SLC38A9: variants seen among roughly 807,000 people sequenced by gnomAD.
SLC38A9 encodes solute carrier family 38 member 9.
Under a neutral mutation model 62.3 loss-of-function variants are expected in SLC38A9, and 48 were observed. The ratio of observed to expected loss-of-function variants is 0.77; its 90% CI spans 0.61 to 0.98. The LOEUF is 0.98. Among genes scored for constraint, SLC38A9 ranks in the 50% least tolerant of loss-of-function variants. SLC38A9 has a pLI of 0.00. For synonymous variants in SLC38A9, 204 were observed against 227.7 expected (o/e 0.90, Z 0.94); for missense variants, 541 against 679.8 (o/e 0.80, Z 2.27).
intron 9 of SLC38A9, among the ~76,000 whole-genome samples, chr5:55,655,229 A>G (rs1031168575): frequency 1.4e-5 from 2 of 146,948 alleles, no homozygotes; most frequent in African/African-American, 2.5e-5. Context: ...AGAGAAATCA[A>G]GAAGTGCTGG....
intron 12 of SLC38A9, among the ~76,000 whole-genome samples, chr5:55,639,553 C>T (rs1364107338): frequency 6.6e-6 from 1 of 152,124 alleles, no homozygotes; most frequent in African/African-American, 2.4e-5. Context: ...CCAGTATCCA[C>T]ATTATGAATT....
At chr5:55,702,260 T>C (rs1756757588) in intron 2 of SLC38A9, among the ~76,000 whole-genome samples, 1 of 92,386 alleles carries the variant, frequency 1.1e-5, no homozygotes, top group South Asian at 4.9e-4. Flanking sequence ...ATTTTAGCAT[T>C]AATTTTTTTT....
intron 3 of SLC38A9, chr5:55,691,235 C>G (rs1228694386): frequency 5.4e-6 from 6 of 1,104,688 alleles, no homozygotes; most frequent in Non-Finnish European, 8.0e-6. Flanking sequence ...ATGTAATAGA[C>G]TAAGTCTCTG....
chr5:55,682,848 C>T (rs755999285), intron 3 of SLC38A9, among the ~76,000 whole-genome samples: 26 of 152,156 alleles, frequency 1.7e-4, no homozygotes, highest in African/African-American at 2.7e-4. Flanking sequence ...CCATCTCCCC[C>T]ACTGGAGGGT....
chr5:55,656,998 C>G (rs1354375333), intron 8 of SLC38A9, among the ~76,000 whole-genome samples: 1 of 152,012 alleles, frequency 6.6e-6, no homozygotes, highest in Admixed American at 6.6e-5. Flanking sequence ...GTAGCTGGGA[C>G]TACAAGCGCC....
chr5:55,672,158 C>T lies in SLC38A9; in HGVS notation c.246+405G>A, dbSNP rs147876859. Among the ~76,000 whole-genome samples the T allele has an allele frequency of 2.3e-3, 357 of 152,226 alleles. 3 individuals carry two copies. The Middle Eastern group carries it at 0.034, about 15-fold the overall frequency. ...TGAGTCACTGTGCTTGGCCAGTTTC[C>T]CATTCTTGTAGAAAATTTCTAAAAA... On this transcript the variant is annotated intron_variant, in intron 4 of 15. Transcript: ENST00000396865.
At chr5:55,659,957 A>G (rs1289089601) in intron 8 of SLC38A9, among the ~76,000 whole-genome samples, 14 of 149,918 alleles carry the variant, frequency 9.3e-5, no homozygotes, top group Non-Finnish European at 1.2e-4. Context: ...TAGTAGAGAC[A>G]GGGTTTCACC....
chr5:55,632,594 G>A (rs1417851290), intron 14 of SLC38A9, among the ~76,000 whole-genome samples: 1 of 152,126 alleles, frequency 6.6e-6, no homozygotes, highest in Non-Finnish European at 1.5e-5. Context: ...CCATTCTCCC[G>A]AAGCTATCTT....
chr5:55,678,003 T>G (rs1580312211), intron 3 of SLC38A9, among the ~76,000 whole-genome samples: 3 of 128,140 alleles, frequency 2.3e-5, no homozygotes, highest in African/African-American at 8.7e-5. Context: ...AACAATTGGG[T>G]GGTAAAGTAG....
chr5:55,656,552 T>C (rs1002858198), intron 9 of SLC38A9, among the ~76,000 whole-genome samples, 163 bp downstream of exon 9: 22 of 151,940 alleles, frequency 1.4e-4, no homozygotes, highest in African/African-American at 5.3e-4. Flanking sequence ...TTTTTGGAGG[T>C]TCTTTTTTTT....
At chr5:55,686,480 T>C (rs11738639) in intron 3 of SLC38A9, among the ~76,000 whole-genome samples, 1 of 151,862 alleles carries the variant, frequency 6.6e-6, no homozygotes, top group African/African-American at 2.4e-5. Context: ...TGTTTTTTCC[T>C]GTGAATGTGT....
At chr5:55,685,359 T>C (rs1335576066) in intron 3 of SLC38A9, among the ~76,000 whole-genome samples, 1 of 152,202 alleles carries the variant, frequency 6.6e-6, no homozygotes, top group Non-Finnish European at 1.5e-5. Flanking sequence ...AATCATACAA[T>C]ATGTAGTCTT....
intron 14 of SLC38A9, among the ~76,000 whole-genome samples, chr5:55,628,977 C>A (rs571522369): frequency 6.6e-6 from 1 of 152,146 alleles, no homozygotes; most frequent in African/African-American, 2.4e-5. Context: ...GAATTAGAAA[C>A]AAAGAAAATT....
chr5:55,665,043 T>G, intron 7 of SLC38A9, 180 bp from the exon 8 acceptor site: 1 of 343,778 alleles, frequency 2.9e-6, no homozygotes, highest in South Asian at 9.3e-5. Context: ...AAAAGAAATG[T>G]AGATAAAATA....
intron 9 of SLC38A9, 70 bp from the exon 10 acceptor site, chr5:55,652,793 ATGAC>A: frequency 7.6e-7 from 1 of 1,319,230 alleles, no homozygotes; most frequent in Non-Finnish European, 1.0e-6. Flanking sequence ...AAAACAGAAA[ATGAC>A]TGCCTCTAGA....
At chr5:55,667,821 C>T (rs1750719785) in intron 7 of SLC38A9, among the ~76,000 whole-genome samples, 2 of 152,262 alleles carry the variant, frequency 1.3e-5, no homozygotes, top group South Asian at 4.1e-4. Flanking sequence ...GCTCCACTTC[C>T]TGGGTTCAAG....
chr5:55,657,532 T>C (rs1430520230), intron 8 of SLC38A9, among the ~76,000 whole-genome samples: 1 of 151,216 alleles, frequency 6.6e-6, no homozygotes, highest in Non-Finnish European at 1.5e-5. Flanking sequence ...CTTTTATAGA[T>C]CTAAGGCCAT....
chr5:55,707,705 A>T (rs902620892), intron 2 of SLC38A9, among the ~76,000 whole-genome samples: 2 of 152,222 alleles, frequency 1.3e-5, no homozygotes, highest in African/African-American at 4.8e-5. Context: ...ATTGTTTAAG[A>T]TTGGTTTTAA....
At chr5:55,644,250 C>T (rs1224163178) in intron 12 of SLC38A9, among the ~76,000 whole-genome samples, 1 of 152,130 alleles carries the variant, frequency 6.6e-6, no homozygotes, top group Non-Finnish European at 1.5e-5. Context: ...TGTGAGCCAC[C>T]ACACCTGGCC....
Sources: gnomAD v4.1 joint callset for allele counts (sites outside exome capture counted in the v4.1 genomes callset) on GRCh38, gnomAD v4.1.1 for gene constraint, MANE v1.5 for transcripts, NCBI Gene and HGNC (gene_info 2026-07-23, HGNC 2026-07-21) for gene names.